F13A1: variants seen among roughly 807,000 people sequenced by gnomAD.
F13A1 encodes FSF, A subunit.
A neutral mutation model predicts 80.1 loss-of-function variants in F13A1; 47 were observed. The ratio of observed to expected loss-of-function variants is 0.59; its 90% CI spans 0.46 to 0.75. F13A1 has a LOEUF of 0.75. Among genes scored for constraint, F13A1 ranks in the 30% least tolerant of loss-of-function variants. The pLI, the probability that F13A1 is intolerant of heterozygous loss-of-function variation, is 0.00. For synonymous variants in F13A1, 349 were observed against 344.9 expected (o/e 1.01, Z -0.13); for missense variants, 817 against 930.4 (o/e 0.88, Z 1.59).
intron 14 of F13A1, among the ~76,000 whole-genome samples, chr6:6,147,513 A>C (rs1459020765): frequency 6.6e-6 from 1 of 152,186 alleles, no homozygotes; most frequent in East Asian, 1.9e-4. Flanking sequence ...TCAATTCAAT[A>C]CCAATATAAG....
At chr6:6,194,285 C>G (rs946207594) in intron 10 of F13A1, among the ~76,000 whole-genome samples, 1 of 152,184 alleles carries the variant, frequency 6.6e-6, no homozygotes, top group Non-Finnish European at 1.5e-5. Flanking sequence ...CTCTGCACTG[C>G]GTTCCTTCAG....
At chr6:6,246,083 C>G (rs1757551679) in intron 6 of F13A1, among the ~76,000 whole-genome samples, 1 of 151,822 alleles carries the variant, frequency 6.6e-6, no homozygotes, top group Non-Finnish European at 1.5e-5. Context: ...TTCTTGTGGG[C>G]TCTCTAGGCA....
intron 11 of F13A1, among the ~76,000 whole-genome samples, chr6:6,178,708 A>G (rs1295167427): frequency 6.6e-6 from 1 of 152,136 alleles, no homozygotes; most frequent in East Asian, 1.9e-4. Context: ...AGGGTGAAGA[A>G]AGGGGAAAAG....
intron 3 of F13A1, among the ~76,000 whole-genome samples, chr6:6,290,907 A>G (rs1758215598): frequency 6.6e-6 from 1 of 152,248 alleles, no homozygotes; most frequent in South Asian, 2.1e-4. Flanking sequence ...TACACGTTAC[A>G]AGCTGCACAG....
intron 6 of F13A1, among the ~76,000 whole-genome samples, chr6:6,233,000 A>C (rs1042042637): frequency 6.6e-6 from 1 of 152,040 alleles, no homozygotes; most frequent in Non-Finnish European, 1.5e-5. Flanking sequence ...CAGAAAAAAG[A>C]CCAAAGGAGC....
chr6:6,279,645 A>T (rs1248071557), intron 3 of F13A1, among the ~76,000 whole-genome samples: 2 of 152,188 alleles, frequency 1.3e-5, no homozygotes, highest in African/African-American at 4.8e-5. Context: ...CACATGCCGT[A>T]AAGAATCTCC....
intron 13 of F13A1, 117 bp from the exon 14 acceptor site, chr6:6,152,066 G>T: frequency 8.2e-7 from 1 of 1,225,916 alleles, no homozygotes. Context: ...TTTGGCAATG[G>T]AACCAGTGTG....
intron 8 of F13A1, among the ~76,000 whole-genome samples, chr6:6,203,383 GA>G (rs1417924948): frequency 1.3e-5 from 2 of 152,208 alleles, no homozygotes; most frequent in Non-Finnish European, 1.5e-5. Context: ...TGTTGACTTT[GA>G]GTTAATTAAA....
chr6:6,164,475 C>G (rs1760630083), intron 13 of F13A1, among the ~76,000 whole-genome samples: 1 of 151,652 alleles, frequency 6.6e-6, no homozygotes, highest in South Asian at 2.1e-4. Context: ...CATATGTACC[C>G]TCAAATCTAA....
intron 8 of F13A1, among the ~76,000 whole-genome samples, chr6:6,213,250 A>C (rs1458756457): frequency 6.6e-6 from 1 of 151,726 alleles, no homozygotes; most frequent in Non-Finnish European, 1.5e-5. Context: ...AGTTGAAATG[A>C]AGGAAAAAAT....
At chr6:6,236,222 T>G (rs997532989) in intron 6 of F13A1, among the ~76,000 whole-genome samples, 5 of 152,072 alleles carry the variant, frequency 3.3e-5, no homozygotes, top group African/African-American at 9.7e-5. Context: ...TTATTTTGAT[T>G]TTAGTGTTCG....
intron 2 of F13A1, among the ~76,000 whole-genome samples, chr6:6,315,880 A>G (rs916280401): frequency 6.6e-6 from 1 of 151,640 alleles, no homozygotes; most frequent in Non-Finnish European, 1.5e-5. Flanking sequence ...CTGCATGAAG[A>G]TGGCATTTTA....
intron 10 of F13A1, among the ~76,000 whole-genome samples, chr6:6,192,225 T>G (rs901740101): frequency 1.3e-5 from 2 of 152,176 alleles, no homozygotes; most frequent in Admixed American, 6.5e-5. Context: ...AGTTTTATTG[T>G]AAGGGTGGTG....
chr6:6,278,522 T>A (rs1758019087), intron 3 of F13A1, among the ~76,000 whole-genome samples: 1 of 151,968 alleles, frequency 6.6e-6, no homozygotes, highest in South Asian at 2.1e-4. Flanking sequence ...GTGAGGTATC[T>A]GAGCAGGGGA....
intron 10 of F13A1, among the ~76,000 whole-genome samples, chr6:6,185,209 C>T (rs1049897241): frequency 2.0e-4 from 30 of 151,420 alleles, no homozygotes; most frequent in Non-Finnish European, 2.9e-4. Context: ...ATACATGTGC[C>T]ATGCTGGTGC....
intron 4 of F13A1, among the ~76,000 whole-genome samples, chr6:6,255,165 GC>G (rs1168802495): frequency 1.3e-5 from 2 of 152,050 alleles, no homozygotes; most frequent in African/African-American, 4.8e-5. Context: ...TATGGACATT[GC>G]CGTTTAATGA....
In F13A1 at chr6:6,166,035, C is replaced by T. The variant is rs1583051223; in HGVS notation, c.1908+1423G>A. On this transcript the variant is annotated intron_variant, in intron 13 of 14. Coordinates refer to ENST00000264870, the MANE Select transcript of F13A1 (RefSeq NM_000129.4). ...CTTGCCTTGGGGTGGCTCACTGTGT[C>T]AATTACACAGGACCAGACCATAAGA... Among the ~76,000 whole-genome samples the T allele has an allele frequency of 2.0e-5, 3 of 152,366 alleles. No homozygotes were observed. The South Asian group carries it at 6.2e-4, about 32-fold the overall frequency.
chr6:6,269,499 GA>G (rs777982675), intron 3 of F13A1, among the ~76,000 whole-genome samples: 8 of 142,742 alleles, frequency 5.6e-5, no homozygotes, highest in South Asian at 4.5e-4. Context: ...AGTAAAAAAA[GA>G]AAAAAAAAAG....
intron 2 of F13A1, among the ~76,000 whole-genome samples, chr6:6,315,919 C>T (rs1451611368): frequency 6.6e-6 from 1 of 150,588 alleles, no homozygotes; most frequent in Non-Finnish European, 1.5e-5. Flanking sequence ...AAGGTTTAGT[C>T]GCTTAGCAAA....
Sources: gnomAD v4.1 joint callset for allele counts (sites outside exome capture counted in the v4.1 genomes callset) on GRCh38, gnomAD v4.1.1 for gene constraint, MANE v1.5 for transcripts, NCBI Gene and HGNC (gene_info 2026-07-23, HGNC 2026-07-21) for gene names.